Variants in PPIL2 observed in about 807,000 individuals in gnomAD.
The protein encoded by PPIL2 is RING-type E3 ubiquitin-protein ligase PPIL2.
Under a neutral mutation model 75.2 loss-of-function variants are expected in PPIL2, and 50 were observed. The ratio of observed to expected loss-of-function variants is 0.66; its 90% confidence interval spans 0.53 to 0.84. PPIL2 has a LOEUF of 0.84. Ranked by LOEUF, PPIL2 falls within the 40% of genes least tolerant of loss-of-function variation. PPIL2 has a pLI of 0.00. For synonymous variants in PPIL2, 245 were observed against 258.8 expected (o/e 0.95, Z 0.51); for missense variants, 590 against 685.0 (o/e 0.86, Z 1.55).
At chr22:21,698,610 G>C (rs374353985), downstream of PPIL2, 2 of 152,372 alleles carry the variant, frequency 1.3e-5, no homozygotes, top group African/African-American at 4.8e-5. Flanking sequence ...TCAAAGGGAA[G>C]GGTCAGTTTA....
At position 21,681,678 on chromosome 22, in the gene PPIL2, C is replaced by A. The variant is rs140368086; in HGVS notation, c.387+288C>A. Among the ~76,000 whole-genome samples the A allele has an allele frequency of 6.1e-3, 934 of 152,360 alleles. 12 individuals are homozygous for A. Among genetic ancestry groups the A allele is most frequent in the African/African-American group, 0.021 (879 of 41,576 alleles). ...AGGTCCTTCCGCGTCTTCAGCAAAG[C>A]CCAGGTGCTGGGAAGGCACCCATGT... On this transcript the variant is annotated intron_variant, in intron 7 of 19. Transcript: ENST00000398831.
At chr22:21,683,635 GC>G (rs1221129098) in intron 9 of PPIL2, among the ~76,000 whole-genome samples, 3 of 152,264 alleles carry the variant, frequency 2.0e-5, no homozygotes, top group African/African-American at 7.2e-5. Flanking sequence ...CAGAGCAGTG[GC>G]CTGGGCACTT....
chr22:21,673,221 T>G (rs1044861317), intron 5 of PPIL2, among the ~76,000 whole-genome samples: 13 of 152,310 alleles, frequency 8.5e-5, no homozygotes, highest in Admixed American at 8.5e-4. Context: ...TTGAAGACTG[T>G]TTCTGTGATG....
rs369771424 is a variant in PPIL2 at position 21,695,673 on chromosome 22, A to G, written c.*183A>G. On this transcript the variant is annotated 3_prime_UTR_variant, in exon 20 of 20. Coordinates refer to ENST00000398831, the MANE Select transcript of PPIL2 (RefSeq NM_014337.4). Reference sequence around the variant, plus strand: ...CCTTCCCATCCCTTAACCTGTTGCCAAGGGCCTTGGCCCTGTTTCCAGGAC... The same window carrying G: ...CCTTCCCATCCCTTAACCTGTTGCCGAGGGCCTTGGCCCTGTTTCCAGGAC... 4,665 of 1,405,758 alleles carry G rather than the reference A, an allele frequency of 3.3e-3. 35 individuals are homozygous for G. Among genetic ancestry groups the G allele is most frequent in the Middle Eastern group, 0.026 (97 of 3,718 alleles). 87.1% of individuals were successfully genotyped at this position (1,405,758 alleles called of 1,614,324 possible).
Position 21,695,966 on chromosome 22 carries a change from C to T in PPIL2, c.*476C>T, listed in dbSNP as rs1056694204. ...CCTCGCAAGTAGCTGGGACTACAGC[C>T]GTGCACCACTACATCCAGCTGTATA... On this transcript the variant is annotated 3_prime_UTR_variant, in exon 20 of 20. Coordinates refer to ENST00000398831, the MANE Select transcript of PPIL2 (RefSeq NM_014337.4). 5.8e-5 allele frequency: 33 copies of T among 572,846 alleles called. No homozygotes were observed. The highest frequency in any genetic ancestry group is 2.1e-4 in the Admixed American group (4 of 19,142). The allele number at this position is 572,846 out of a possible 1,614,324, so 35.5% of individuals were successfully genotyped here. A position where few individuals can be genotyped will look rare whatever the true frequency, so the allele number is the denominator to read the frequency against.
chr22:21,692,562 C>G (rs1317956185), intron 15 of PPIL2, among the ~76,000 whole-genome samples: 2 of 151,974 alleles, frequency 1.3e-5, no homozygotes, highest in African/African-American at 4.8e-5. Context: ...ATTTGCTTCT[C>G]TTCTCTTTCT....
At chr22:21,666,206 C>T in intron 1 of PPIL2, 75 bp downstream of exon 1, 3 of 1,494,988 alleles carry the variant, frequency 2.0e-6, no homozygotes, top group Non-Finnish European at 2.7e-6. Context: ...GCGCGCCGCT[C>T]GCCTTCCCTC....
At chr22:21,691,681 C>T (rs2067645997) in intron 15 of PPIL2, among the ~76,000 whole-genome samples, 1 of 146,676 alleles carries the variant, frequency 6.8e-6, no homozygotes, top group Admixed American at 6.8e-5. Context: ...GAGCGAGACT[C>T]CGTCTCCAAA....
intron 15 of PPIL2, 112 bp downstream of exon 15, chr22:21,688,961 G>C (rs1422721266): frequency 2.9e-6 from 3 of 1,038,376 alleles, no homozygotes; most frequent in Non-Finnish European, 4.3e-6. Context: ...ATACCCAGAC[G>C]GTGTACGGCA....
chr22:21,681,213 G>C lies in PPIL2; in HGVS notation c.296-86G>C, dbSNP rs1003989640. On this transcript the variant is annotated intron_variant, in intron 6 of 19. Transcript: ENST00000398831. ...CTCCCATCGCTGACTTTGGAGTTCT[G>C]TCCTGCCCTGGCCCTCTGCGGTCCT... 1.0e-4 allele frequency: 117 copies of C among 1,137,482 alleles called. No homozygotes were observed. In the East Asian group the frequency reaches 2.6e-3, roughly 26 times the overall value. 70.5% of individuals were successfully genotyped at this position (1,137,482 alleles called of 1,614,324 possible).
At chr22:21,683,070 T>G in intron 8 of PPIL2, 112 bp from the exon 9 acceptor site, 3 of 910,516 alleles carry the variant, frequency 3.3e-6, no homozygotes. Flanking sequence ...CCAACCTCAG[T>G]GTAGCCCTGG....
chr22:21,686,607 CA>C (rs2148551038), intron 11 of PPIL2, 49 bp downstream of exon 11: 1 of 1,574,616 alleles, frequency 6.4e-7, no homozygotes, highest in African/African-American at 1.3e-5. Context: ...CCAAAAGTGG[CA>C]GGGGGTGGGT....
intron 5 of PPIL2, among the ~76,000 whole-genome samples, chr22:21,672,942 G>C (rs1446118331): frequency 6.6e-6 from 1 of 152,228 alleles, no homozygotes; most frequent in African/African-American, 2.4e-5. Context: ...GCCAGCAGGA[G>C]AAGCTGGCAG....
intron 2 of PPIL2, 91 bp from the exon 3 acceptor site, chr22:21,670,475 T>C: frequency 6.7e-7 from 1 of 1,501,782 alleles, no homozygotes; most frequent in African/African-American, 1.4e-5. Context: ...CATGAACTTT[T>C]TCATAAGCTG....
At chr22:21,690,311 G>A (rs1203891642) in intron 15 of PPIL2, among the ~76,000 whole-genome samples, 3 of 151,920 alleles carry the variant, frequency 2.0e-5, no homozygotes, top group Non-Finnish European at 2.9e-5. Flanking sequence ...CTGAGCCTGG[G>A]AAGTCAAAGC....
rs36108489 is a variant in PPIL2 at position 21,687,550 on chromosome 22, C to CAAAA, written c.898-75_898-72dup. 192 of 306,326 alleles carry CAAAA rather than the reference C, an allele frequency of 6.3e-4. 2 individuals are homozygous for CAAAA. The highest frequency in any genetic ancestry group is 9.0e-4 in the East Asian group (10 of 11,082). The allele number at this position is 306,326 out of a possible 1,614,324, so 19.0% of individuals were successfully genotyped here. On this transcript the variant is annotated intron_variant, in intron 12 of 19. Transcript: ENST00000398831. ...CCTGGGCAACAGCAAGACTCCACCT[C>CAAAA]AAAAAAAAAAAAAAAAAAAAAGCCT...
At chr22:21,692,443 T>C (rs76032591) in intron 15 of PPIL2, among the ~76,000 whole-genome samples, 17,173 of 151,728 alleles carry the variant, frequency 0.11, 1,172 homozygotes, top group Non-Finnish European at 0.15. Flanking sequence ...CGTGAGCCAC[T>C]GTGCCTGGCC....
rs983310947 is a variant in PPIL2 at position 21,684,620 on chromosome 22, C to G, written c.554-133C>G. Reference sequence around the variant, plus strand: ...GCCTGTAGCGGGGCACTGTGGCATTCTGTGGCTGGCAGTGGCACGGTGCCT... The same window carrying G: ...GCCTGTAGCGGGGCACTGTGGCATTGTGTGGCTGGCAGTGGCACGGTGCCT... On this transcript the variant is annotated intron_variant, in intron 9 of 19. Coordinates refer to ENST00000398831, the MANE Select transcript of PPIL2 (RefSeq NM_014337.4). 5.3e-6 allele frequency: 6 copies of G among 1,140,978 alleles called. No individual in the cohort carries two copies. The African/African-American group carries it at 9.4e-5, about 18-fold the overall frequency. The allele number at this position is 1,140,978 out of a possible 1,614,324, so 70.7% of individuals were successfully genotyped here.
chr22:21,668,955 C>T (rs2066508716), intron 1 of PPIL2, among the ~76,000 whole-genome samples: 1 of 151,640 alleles, frequency 6.6e-6, no homozygotes, highest in South Asian at 2.1e-4. Context: ...TGGTGATCCG[C>T]CCGCCTCGGC....
Sources: gnomAD v4.1 joint callset for allele counts (sites outside exome capture counted in the v4.1 genomes callset) on GRCh38, gnomAD v4.1.1 for gene constraint, MANE v1.5 for transcripts, NCBI Gene and HGNC (gene_info 2026-07-23, HGNC 2026-07-21) for gene names.